WDR35: variants seen among roughly 807,000 people sequenced by gnomAD.
WDR35 encodes WD repeat domain 35.
In WDR35, 118 loss-of-function variants were observed where a neutral mutation model predicts 158.3. That is an observed-to-expected ratio of 0.75 (90% confidence interval 0.64 to 0.87). The LOEUF (loss-of-function observed/expected upper bound fraction) is 0.87. WDR35 is among the 40% of genes least tolerant of loss of function. The probability of loss-of-function intolerance (pLI) is 0.00; values close to 1 mark genes in which losing one functional copy is unlikely to be tolerated. For synonymous variants in WDR35, 448 were observed against 476.1 expected (o/e 0.94, Z 0.77); for missense variants, 1,263 against 1,405.8 (o/e 0.90, Z 1.62).
chr2:19,956,768 G>A (rs1397425731), intron 11 of WDR35, among the ~76,000 whole-genome samples: 2 of 151,636 alleles, frequency 1.3e-5, no homozygotes, highest in African/African-American at 2.4e-5. Flanking sequence ...CTACAGGCGC[G>A]CGCCACCATG....
chr2:19,928,729 C>T (rs1670435725), intron 25 of WDR35, among the ~76,000 whole-genome samples: 2 of 152,078 alleles, frequency 1.3e-5, no homozygotes, highest in African/African-American at 2.4e-5. Flanking sequence ...TGAGGGCTCA[C>T]AATGTCCAGG....
chr2:19,920,111 C>T (rs1208891530), intron 25 of WDR35, among the ~76,000 whole-genome samples: 1 of 152,152 alleles, frequency 6.6e-6, no homozygotes, highest in Non-Finnish European at 1.5e-5. Flanking sequence ...CAAAAAAAGT[C>T]CAGGACCAGA....
Position 19,953,992 on chromosome 2 carries a change from C to A in WDR35, c.1256-14G>T. Reference sequence around the variant, plus strand: ...CAAACAATGGTACTGTTAAAAATAACATTAAGATAATTTACAGTTACACAG... The same window carrying A: ...CAAACAATGGTACTGTTAAAAATAAAATTAAGATAATTTACAGTTACACAG... On this transcript the variant is annotated splice_polypyrimidine_tract_variant and intron_variant, in intron 11 of 26. Coordinates refer to ENST00000281405, the MANE Select transcript of WDR35 (RefSeq NM_020779.4). The A allele has an allele frequency of 6.2e-7, 1 of 1,613,936 alleles. No homozygotes were observed. The highest frequency in any genetic ancestry group is 2.2e-5 in the East Asian group (1 of 44,868).
rs1209503877 is a variant in WDR35, at chr2:19,975,653, A to G, written c.447T>C (p.Ile149=). The G allele has an allele frequency of 6.2e-7, 1 of 1,613,936 alleles. No homozygotes were observed. The highest frequency in any genetic ancestry group is 8.5e-7 in the Non-Finnish European group (1 of 1,179,958). Residue 149 remains isoleucine (I), a synonymous_variant, in exon 6 of 27, where the codon ATT becomes ATC. Transcript: ENST00000281405. ...GTATACCCTTCAGGTCTTTTCCCCA[A>G]ATACGATTGCCTAAAACAAAACATT... ...VIVGSVDGNR[I]WGKDLKGIQL... is the part of the protein sequence containing the mutation.
intron 16 of WDR35, 64 bp from the exon 17 acceptor site, chr2:19,941,903 G>A (rs1231721082): frequency 2.5e-6 from 3 of 1,208,568 alleles, no homozygotes; most frequent in Non-Finnish European, 3.5e-6. Flanking sequence ...AACAAATCAT[G>A]CTTTTAAATT....
chr2:19,962,621 TAC>T (rs1407954261), intron 10 of WDR35, among the ~76,000 whole-genome samples: 1 of 152,174 alleles, frequency 6.6e-6, no homozygotes, highest in African/African-American at 2.4e-5. Context: ...ATGTGCTATT[TAC>T]ACAGACTTTT....
At chr2:19,945,687 C>T in intron 16 of WDR35, 99 bp downstream of exon 16, 4 of 1,301,124 alleles carry the variant, frequency 3.1e-6, no homozygotes, top group Middle Eastern at 2.0e-4. Flanking sequence ...GTTGGCACTG[C>T]TATTCAACAA....
intron 2 of WDR35, among the ~76,000 whole-genome samples, chr2:19,984,548 T>C (rs1172089388): frequency 1.3e-5 from 2 of 152,184 alleles, no homozygotes; most frequent in Non-Finnish European, 2.9e-5. Flanking sequence ...AATAAAGCAT[T>C]TTAAACTCAT....
At chr2:19,937,250 C>G (rs978358152) in intron 19 of WDR35, among the ~76,000 whole-genome samples, 2 of 152,106 alleles carry the variant, frequency 1.3e-5, no homozygotes, top group Non-Finnish European at 2.9e-5. Context: ...GGGAGACAGG[C>G]CTTACAGTTC....
intron 2 of WDR35, 138 bp from the exon 3 acceptor site, chr2:19,982,672 A>T: frequency 4.4e-6 from 4 of 903,408 alleles, no homozygotes; most frequent in Non-Finnish European, 6.7e-6. Context: ...TTCTCATGGT[A>T]TAAACATGAA....
chr2:19,925,958 T>A (rs1670342227), intron 25 of WDR35, among the ~76,000 whole-genome samples: 1 of 152,210 alleles, frequency 6.6e-6, no homozygotes, highest in Non-Finnish European at 1.5e-5. Context: ...TAAGCCAATT[T>A]GGATAGAACA....
chr2:19,987,901 T>TAC (rs954953789), intron 2 of WDR35, among the ~76,000 whole-genome samples: 5 of 149,544 alleles, frequency 3.3e-5, no homozygotes, highest in Non-Finnish European at 7.4e-5. Flanking sequence ...TATATATATA[T>TAC]ACACACGTAT....
chr2:19,975,123 T>C (rs142837112), intron 6 of WDR35, among the ~76,000 whole-genome samples: 1 of 152,338 alleles, frequency 6.6e-6, no homozygotes, highest in East Asian at 1.9e-4. Context: ...AAGTCTGTCA[T>C]TCTTTTTACA....
At chr2:19,960,708 G>T in intron 10 of WDR35, 94 bp from the exon 11 acceptor site, 1 of 967,006 alleles carries the variant, frequency 1.0e-6, no homozygotes, top group East Asian at 2.6e-5. Context: ...TCTTTTTCAA[G>T]TATTGCTAAC....
intron 25 of WDR35, among the ~76,000 whole-genome samples, chr2:19,915,584 A>G (rs569281179): frequency 6.6e-6 from 1 of 152,136 alleles, no homozygotes; most frequent in Non-Finnish European, 1.5e-5. Flanking sequence ...TTTATGTCAC[A>G]TATTAGTTAA....
At chr2:19,940,402 GA>G in intron 17 of WDR35, among the ~76,000 whole-genome samples, 1 of 152,044 alleles carries the variant, frequency 6.6e-6, no homozygotes, top group African/African-American at 2.4e-5. Flanking sequence ...CACACGTGTG[GA>G]AAAGGAAAAA....
intron 2 of WDR35, among the ~76,000 whole-genome samples, chr2:19,983,141 T>C (rs1042546446): frequency 8.5e-5 from 13 of 152,132 alleles, no homozygotes; most frequent in African/African-American, 3.1e-4. Context: ...GTAGCAGAAG[T>C]GACTTAATTT....
At chr2:19,932,167 G>T in intron 23 of WDR35, 116 bp downstream of exon 23, 1 of 1,297,234 alleles carries the variant, frequency 7.7e-7, no homozygotes, top group Non-Finnish European at 1.1e-6. Flanking sequence ...AATAAAACCA[G>T]AGTGGTTTTG....
In WDR35 at chr2:19,911,113, G is replaced by A. The variant is rs1338753417; in HGVS notation, c.*2445C>T. 2 of 152,116 alleles carry A rather than the reference G, an allele frequency of 1.3e-5. No homozygotes were observed. The highest frequency in any genetic ancestry group is 3.9e-4 in the East Asian group (2 of 5,184). The allele number at this position is 152,116 out of a possible 1,614,324, so 9.4% of individuals were successfully genotyped here. A position where few individuals can be genotyped will look rare whatever the true frequency, so the allele number is the denominator to read the frequency against. On this transcript the variant is annotated 3_prime_UTR_variant, in exon 27 of 27. Coordinates refer to ENST00000281405, the MANE Select transcript of WDR35 (RefSeq NM_020779.4). Reference sequence around the variant, plus strand: ...ATAATTCGTTGGTGGGAAAATTCTAGGGCTCAGGCAGCACAGAATTAGGGG... The same window carrying A: ...ATAATTCGTTGGTGGGAAAATTCTAAGGCTCAGGCAGCACAGAATTAGGGG...
Sources: allele counts gnomAD v4.1 joint callset (sites outside exome capture counted in the v4.1 genomes callset), GRCh38; gene constraint gnomAD v4.1.1; transcripts MANE v1.5; gene names NCBI Gene and HGNC (gene_info 2026-07-23, HGNC 2026-07-21).